ARHGAP10: variants seen among roughly 807,000 people sequenced by gnomAD.
The protein encoded by ARHGAP10 is rho GTPase-activating protein 10.
Under a neutral mutation model 108.6 loss-of-function variants are expected in ARHGAP10, and 87 were observed. That is an observed-to-expected ratio of 0.80 (90% CI 0.67 to 0.96). ARHGAP10 has a LOEUF of 0.96. Among genes scored for constraint, ARHGAP10 ranks in the 40% least tolerant of loss-of-function variants. ARHGAP10 has a pLI of 0.00. For synonymous variants in ARHGAP10, 347 were observed against 341.1 expected (o/e 1.02, Z -0.19); for missense variants, 939 against 954.5 (o/e 0.98, Z 0.21).
chr4:147,858,850 A>G (rs1230255921), intron 5 of ARHGAP10, among the ~76,000 whole-genome samples: 2 of 152,170 alleles, frequency 1.3e-5, no homozygotes. Context: ...TCACTTTCTC[A>G]TTAGGTATTT....
chr4:147,761,334 TA>T (rs1218619844), intron 1 of ARHGAP10, among the ~76,000 whole-genome samples: 3 of 152,204 alleles, frequency 2.0e-5, no homozygotes, highest in Non-Finnish European at 2.9e-5. Context: ...TATATAGAGT[TA>T]AATTTGTTTA....
At chr4:147,758,447 C>G (rs1031608041) in intron 1 of ARHGAP10, among the ~76,000 whole-genome samples, 1 of 152,098 alleles carries the variant, frequency 6.6e-6, no homozygotes, top group Non-Finnish European at 1.5e-5. Context: ...GCAGCCATCA[C>G]CACAGTCAAT....
intron 1 of ARHGAP10, among the ~76,000 whole-genome samples, chr4:147,764,631 T>G (rs1181097635): frequency 6.6e-6 from 1 of 152,188 alleles, no homozygotes; most frequent in Non-Finnish European, 1.5e-5. Context: ...CCTCTTGGGT[T>G]CAAGGGATTC....
intron 8 of ARHGAP10, among the ~76,000 whole-genome samples, chr4:147,875,753 A>G (rs1735032698): frequency 6.6e-6 from 1 of 152,188 alleles, no homozygotes; most frequent in Non-Finnish European, 1.5e-5. Flanking sequence ...CCTAACTTGT[A>G]GGCTTTTTAG....
chr4:148,012,037 A>C (rs1233873197), intron 18 of ARHGAP10, among the ~76,000 whole-genome samples: 1 of 152,222 alleles, frequency 6.6e-6, no homozygotes, highest in East Asian at 1.9e-4. Context: ...TGTCTTACTG[A>C]TGATAGTGCC....
At chr4:147,981,928 C>T (rs1019288458) in intron 18 of ARHGAP10, among the ~76,000 whole-genome samples, 4 of 152,272 alleles carry the variant, frequency 2.6e-5, no homozygotes, top group Admixed American at 6.5e-5. Context: ...TTTCCTCCAT[C>T]CCTTTACTTT....
chr4:147,760,306 A>G (rs1228914636), intron 1 of ARHGAP10, among the ~76,000 whole-genome samples: 1 of 152,228 alleles, frequency 6.6e-6, no homozygotes, highest in Non-Finnish European at 1.5e-5. Context: ...GCGTCGGGTT[A>G]CAATATCCAG....
chr4:147,875,333 A>G (rs1735014230), intron 8 of ARHGAP10, among the ~76,000 whole-genome samples, 183 bp downstream of exon 8: 2 of 152,138 alleles, frequency 1.3e-5, no homozygotes, highest in South Asian at 2.1e-4. Context: ...CCCTGGAGAG[A>G]GGGGGTACTG....
chr4:147,814,109 C>CA (rs1732137944), intron 1 of ARHGAP10, among the ~76,000 whole-genome samples: 1 of 152,130 alleles, frequency 6.6e-6, no homozygotes, highest in African/African-American at 2.4e-5. Context: ...AGATCTAGGG[C>CA]ATGGACTCCT....
intron 3 of ARHGAP10, among the ~76,000 whole-genome samples, chr4:147,839,210 C>G (rs939429675): frequency 1.3e-5 from 2 of 151,986 alleles, no homozygotes; most frequent in African/African-American, 2.4e-5. Context: ...CAAGGAAAAA[C>G]AAGAGCTGTG....
intron 19 of ARHGAP10, among the ~76,000 whole-genome samples, chr4:148,029,619 A>G (rs1489646617): frequency 6.6e-6 from 1 of 152,150 alleles, no homozygotes; most frequent in Non-Finnish European, 1.5e-5. Context: ...GACTAAGCAG[A>G]CCTTTGCATT....
chr4:147,949,203 T>C (rs536869059), intron 15 of ARHGAP10, among the ~76,000 whole-genome samples: 2 of 152,246 alleles, frequency 1.3e-5, no homozygotes, highest in Non-Finnish European at 2.9e-5. Context: ...ACTATTGTTA[T>C]TCCTGATTGA....
intron 4 of ARHGAP10, among the ~76,000 whole-genome samples, chr4:147,852,536 G>A (rs1269856216): frequency 1.3e-5 from 2 of 152,094 alleles, no homozygotes; most frequent in African/African-American, 4.8e-5. Context: ...TTAAGGGAGG[G>A]TGTGCCTTCT....
At chr4:148,023,600 G>A (rs578235501) in intron 19 of ARHGAP10, among the ~76,000 whole-genome samples, 187 bp downstream of exon 19, 1 of 152,190 alleles carries the variant, frequency 6.6e-6, no homozygotes, top group Non-Finnish European at 1.5e-5. Context: ...TTTCGGTTTT[G>A]TGTTTGTCTT....
At chr4:147,985,431 C>T (rs142168908) in intron 18 of ARHGAP10, among the ~76,000 whole-genome samples, 27 of 152,284 alleles carry the variant, frequency 1.8e-4, no homozygotes, top group Non-Finnish European at 3.5e-4. Flanking sequence ...CAAACCAGTT[C>T]CAGGCCACCA....
intron 1 of ARHGAP10, among the ~76,000 whole-genome samples, chr4:147,761,180 C>G (rs1183472460): frequency 1.3e-5 from 2 of 151,974 alleles, no homozygotes; most frequent in Non-Finnish European, 1.5e-5. Flanking sequence ...CCATGCCCAG[C>G]TGATTTTTAA....
In ARHGAP10 at chr4:147,760,946, T is replaced by C. The variant is rs543345432; in HGVS notation, c.154+28491T>C. 3.9e-5 allele frequency among the ~76,000 whole-genome samples: 6 copies of C among 152,156 alleles called. No homozygotes were observed. The East Asian group carries it at 1.2e-3, about 29-fold the overall frequency. ...AAAGGCTGAGTGTGAAATTAATAGC[T>C]CTCAACTGAGAACTGTAAAAGAGCT... On this transcript the variant is annotated intron_variant, in intron 1 of 22. Transcript: ENST00000336498.
chr4:148,022,831 CAT>C (rs1320480578), intron 18 of ARHGAP10, among the ~76,000 whole-genome samples: 3 of 152,170 alleles, frequency 2.0e-5, no homozygotes, highest in African/African-American at 7.2e-5. Context: ...TATTTGCAGT[CAT>C]ATGTTTCTGT....
At chr4:147,844,614 ATTG>A (rs1733561127) in intron 3 of ARHGAP10, among the ~76,000 whole-genome samples, 1 of 152,206 alleles carries the variant, frequency 6.6e-6, no homozygotes, top group Non-Finnish European at 1.5e-5. Flanking sequence ...AATAAGTAGA[ATTG>A]TTATCTCTTC....
Sources: gnomAD v4.1 joint callset for allele counts (sites outside exome capture counted in the v4.1 genomes callset) on GRCh38, gnomAD v4.1.1 for gene constraint, MANE v1.5 for transcripts, NCBI Gene and HGNC (gene_info 2026-07-23, HGNC 2026-07-21) for gene names.